The following GRIK3 variants were observed in gnomAD, a reference collection of about 807,000 sequenced individuals.
The protein encoded by GRIK3 is glutamate ionotropic receptor kainate type subunit 3, also known as glutamate receptor ionotropic, kainate 3.
In GRIK3, 29 loss-of-function variants were observed where a neutral mutation model predicts 102.5. That is an observed-to-expected ratio of 0.28 (90% confidence interval 0.21 to 0.39). GRIK3 has a LOEUF of 0.39. GRIK3 is among the 10% of genes least tolerant of loss of function. The pLI is 1.00. For missense variants in GRIK3, 908 were observed against 1,252.4 expected (o/e 0.73, Z 4.15); for synonymous variants, 511 against 504.9 (o/e 1.01, Z -0.16).
At position 37,031,218 on chromosome 1, in the gene GRIK3, A is replaced by T. The variant is rs1015676517; in HGVS notation, c.115+2776T>A. ...CATACATAGAATACATCTTCCACAT[A>T]TTCACATAAAATAATCAATGATCAT... On this transcript the variant is annotated intron_variant, in intron 1 of 15. Coordinates refer to ENST00000373091, the MANE Select transcript of GRIK3 (RefSeq NM_000831.4). Among the ~76,000 whole-genome samples, 19 of 152,372 alleles carry T rather than the reference A, an allele frequency of 1.2e-4. No individual in the cohort carries two copies. The East Asian group carries it at 2.7e-3, about 22-fold the overall frequency.
Position 36,795,679 on chromosome 1 carries a change from AAC to A in GRIK3, c.*6170_*6171del, listed in dbSNP as rs1331788927. 2.0e-5 allele frequency: 3 copies of A among 152,380 alleles called. No homozygotes were observed. Among genetic ancestry groups the A allele is most frequent in the African/African-American group, 7.2e-5 (3 of 41,594 alleles). 9.4% of individuals were successfully genotyped at this position (152,380 alleles called of 1,614,324 possible). ...CATCAGCCTAGAATGATTGGCAAGTAACACAGTTACTATGAAACCCAAATTGT... is the reference window on the plus strand; with the variant it reads ...CATCAGCCTAGAATGATTGGCAAGTAACAGTTACTATGAAACCCAAATTGT... On this transcript the variant is annotated 3_prime_UTR_variant, in exon 16 of 16. Coordinates refer to ENST00000373091, the MANE Select transcript of GRIK3 (RefSeq NM_000831.4).
intron 1 of GRIK3, among the ~76,000 whole-genome samples, chr1:37,006,868 C>A (rs146244767): frequency 2.0e-5 from 3 of 152,172 alleles, no homozygotes; most frequent in African/African-American, 2.4e-5. Context: ...AAAATTGAGG[C>A]CTGGGAGGCG....
intron 2 of GRIK3, among the ~76,000 whole-genome samples, chr1:36,883,068 A>G (rs1370513050): frequency 6.6e-6 from 1 of 152,196 alleles, no homozygotes; most frequent in Non-Finnish European, 1.5e-5. Flanking sequence ...GATTCAGTGT[A>G]TTGAGGCCTG....
chr1:36,833,316 C>A (rs896499914), intron 10 of GRIK3, among the ~76,000 whole-genome samples: 4 of 152,162 alleles, frequency 2.6e-5, no homozygotes, highest in African/African-American at 9.7e-5. Flanking sequence ...CGGATGAACC[C>A]ACCTGAACAT....
intron 1 of GRIK3, among the ~76,000 whole-genome samples, chr1:36,935,509 C>T (rs756146660): frequency 2.0e-5 from 3 of 152,076 alleles, no homozygotes; most frequent in Non-Finnish European, 4.4e-5. Flanking sequence ...CGCTCTGTAT[C>T]TGGGGAAAGC....
At chr1:37,014,352 A>G (rs1378867112) in intron 1 of GRIK3, among the ~76,000 whole-genome samples, 1 of 152,232 alleles carries the variant, frequency 6.6e-6, no homozygotes, top group South Asian at 2.1e-4. Flanking sequence ...AGAGAGGAGG[A>G]AAGAAAGGAG....
Position 36,880,402 on chromosome 1 carries a change from G to A in GRIK3, c.550+232C>T, listed in dbSNP as rs2124262567. On this transcript the variant is annotated intron_variant, in intron 3 of 15. Coordinates refer to ENST00000373091, the MANE Select transcript of GRIK3 (RefSeq NM_000831.4). The surrounding 1 kb of genome is among the most constrained non-coding windows in gnomAD (Gnocchi z 5.4). The stretch of plus-strand genomic sequence containing the variant: ...CTTGTGCTGCTAGAGGAGGAGCTGA[G>A]TGTGAGGCAGGGGTGAGGTGCGCTG... 6.6e-6 allele frequency among the ~76,000 whole-genome samples: 1 copy of A among 152,336 alleles called. No homozygotes were observed. The highest frequency in any genetic ancestry group is 1.9e-4 in the East Asian group (1 of 5,186).
chr1:36,845,639 A>G (rs1640511590), intron 9 of GRIK3, among the ~76,000 whole-genome samples: 1 of 152,234 alleles, frequency 6.6e-6, no homozygotes, highest in Non-Finnish European at 1.5e-5. Flanking sequence ...GCACAAGTAT[A>G]TACAATGTCC....
chr1:36,867,053 T>C (rs1196305991), intron 5 of GRIK3, among the ~76,000 whole-genome samples: 3 of 152,220 alleles, frequency 2.0e-5, no homozygotes, highest in Admixed American at 2.0e-4. Context: ...AAGTGCCTAG[T>C]GCAGTGCCCA....
rs1640854352 is a variant in GRIK3, at chr1:36,872,539, G to A, written c.551-170C>T. On this transcript the variant is annotated intron_variant, in intron 3 of 15. Coordinates refer to ENST00000373091, the MANE Select transcript of GRIK3 (RefSeq NM_000831.4). The surrounding 1 kb of genome is among the most constrained non-coding windows in gnomAD (Gnocchi z 5.9). ...GTGCACGTGCATGGACAACACTGGAGAGCAGGTGTGTGTGCACATACAAAC... is the reference window on the plus strand; with the variant it reads ...GTGCACGTGCATGGACAACACTGGAAAGCAGGTGTGTGTGCACATACAAAC... 6.6e-6 allele frequency among the ~76,000 whole-genome samples: 1 copy of A among 152,230 alleles called. No homozygotes were observed. The highest frequency in any genetic ancestry group is 1.9e-4 in the East Asian group (1 of 5,202).
At chr1:36,912,231 AC>A (rs1209838334) in intron 1 of GRIK3, among the ~76,000 whole-genome samples, 3 of 152,010 alleles carry the variant, frequency 2.0e-5, no homozygotes, top group African/African-American at 7.3e-5. Context: ...CACTGCAGAC[AC>A]TTCCTCTGCA....
At chr1:36,813,599 C>A (rs974951654) in intron 13 of GRIK3, among the ~76,000 whole-genome samples, 2 of 152,168 alleles carry the variant, frequency 1.3e-5, no homozygotes, top group Non-Finnish European at 2.9e-5. Flanking sequence ...GGGTTAATCT[C>A]AGGTCTCCTT....
chr1:36,965,649 G>T (rs1183043244), intron 1 of GRIK3, among the ~76,000 whole-genome samples: 12 of 152,236 alleles, frequency 7.9e-5, no homozygotes, highest in Admixed American at 2.0e-4. Flanking sequence ...TTGACCCACA[G>T]GCCTCCAGAC....
At chr1:36,823,912 A>G (rs1642724058) in intron 11 of GRIK3, among the ~76,000 whole-genome samples, 1 of 152,156 alleles carries the variant, frequency 6.6e-6, no homozygotes, top group South Asian at 2.1e-4. Flanking sequence ...AACCTCTCCA[A>G]GCCTCAGTTT....
chr1:36,825,527 G>A lies in GRIK3; in HGVS notation c.1754+76C>T, dbSNP rs969100835. ...GAGCCTTGGGCTTTCTGTGCCAGGG[G>A]CTGAGGAGATGAGGACCTGCCTAAC... On this transcript the variant is annotated intron_variant, in intron 11 of 15. Coordinates refer to ENST00000373091, the MANE Select transcript of GRIK3 (RefSeq NM_000831.4). The A allele has an allele frequency of 9.7e-6, 9 of 924,422 alleles. No individual in the cohort carries two copies. In the Admixed American group the frequency reaches 2.0e-4, roughly 21 times the overall value. The allele number at this position is 924,422 out of a possible 1,614,324, so 57.3% of individuals were successfully genotyped here.
intron 13 of GRIK3, among the ~76,000 whole-genome samples, chr1:36,815,289 C>T (rs575757945): frequency 7.6e-4 from 115 of 152,240 alleles, no homozygotes; most frequent in Non-Finnish European, 8.4e-4. Flanking sequence ...TTTCCAACCT[C>T]AAGGAGGGAC....
intron 2 of GRIK3, among the ~76,000 whole-genome samples, chr1:36,887,434 T>G (rs1471669147): frequency 1.3e-5 from 2 of 152,104 alleles, no homozygotes; most frequent in African/African-American, 2.4e-5. Context: ...TAGAGATATC[T>G]CTCCAACAAA....
intron 5 of GRIK3, among the ~76,000 whole-genome samples, chr1:36,861,732 G>A (rs182090084): frequency 1.3e-5 from 2 of 152,286 alleles, no homozygotes; most frequent in East Asian, 3.9e-4. Context: ...TCAATGATTT[G>A]GGGAGTAGGG....
chr1:36,893,662 C>T (rs1368091359), intron 1 of GRIK3, among the ~76,000 whole-genome samples: 1 of 152,156 alleles, frequency 6.6e-6, no homozygotes, highest in Non-Finnish European at 1.5e-5. Flanking sequence ...CTAAAAATGT[C>T]CACGCCTGTG....
Sources: gnomAD v4.1 joint callset for allele counts (sites outside exome capture counted in the v4.1 genomes callset) on GRCh38, gnomAD v4.1.1 for gene constraint, Gnocchi (gnomAD v3.1) non-coding constraint, MANE v1.5 for transcripts, NCBI Gene and HGNC (gene_info 2026-07-23, HGNC 2026-07-21) for gene names.